DSCAM: variants seen among roughly 807,000 people sequenced by gnomAD.
The protein encoded by DSCAM is DS cell adhesion molecule.
DSCAM carries 47 observed loss-of-function variants against 217.7 expected under a neutral mutation model. That is an observed-to-expected ratio of 0.22 (90% CI 0.17 to 0.28). The LOEUF is 0.28. Ranked by LOEUF, DSCAM falls within the 10% of genes least tolerant of loss-of-function variation. DSCAM has a pLI of 1.00. For synonymous variants in DSCAM, 1,056 were observed against 1,015.3 expected (o/e 1.04, Z -0.76); for missense variants, 2,080 against 2,618.3 (o/e 0.79, Z 4.49).
chr21:40,033,919 C>T (rs1258278916), intron 32 of DSCAM, among the ~76,000 whole-genome samples: 2 of 140,014 alleles, frequency 1.4e-5, no homozygotes, highest in South Asian at 2.4e-4. Flanking sequence ...CAGGGGCAGA[C>T]TGACACCTCA....
intron 3 of DSCAM, among the ~76,000 whole-genome samples, chr21:40,571,643 T>G (rs2076807576): frequency 6.6e-6 from 1 of 152,352 alleles, no homozygotes; most frequent in East Asian, 1.9e-4. Flanking sequence ...AAGGACCTAC[T>G]TATTATATTT....
At chr21:40,641,056 T>C (rs2089871961) in intron 3 of DSCAM, among the ~76,000 whole-genome samples, 1 of 152,218 alleles carries the variant, frequency 6.6e-6, no homozygotes, top group Non-Finnish European at 1.5e-5. Context: ...AAAAAGAAAC[T>C]GTCTTCATGT....
chr21:40,818,771 A>C (rs1353255905), intron 1 of DSCAM, among the ~76,000 whole-genome samples: 5 of 152,058 alleles, frequency 3.3e-5, no homozygotes, highest in African/African-American at 1.2e-4. Flanking sequence ...CATTTTTTGA[A>C]GATGTGATAA....
At chr21:40,844,850 A>G (rs529613175) in intron 1 of DSCAM, among the ~76,000 whole-genome samples, 1 of 152,344 alleles carries the variant, frequency 6.6e-6, no homozygotes, top group Non-Finnish European at 1.5e-5. Flanking sequence ...GACAACCAGC[A>G]CAGCCTCTTT....
intron 1 of DSCAM, among the ~76,000 whole-genome samples, chr21:40,709,067 A>G (rs1158535930): frequency 6.6e-6 from 1 of 152,130 alleles, no homozygotes; most frequent in East Asian, 1.9e-4. Flanking sequence ...CCCCACACTG[A>G]CCACCATTGG....
chr21:40,232,738 T>C (rs994818093), intron 11 of DSCAM, among the ~76,000 whole-genome samples: 2 of 152,158 alleles, frequency 1.3e-5, no homozygotes, highest in Non-Finnish European at 2.9e-5. Context: ...TTATCATATT[T>C]GTAATTCTAA....
chr21:40,171,869 G>C (rs967922358), intron 15 of DSCAM, among the ~76,000 whole-genome samples: 1 of 152,078 alleles, frequency 6.6e-6, no homozygotes, highest in African/African-American at 2.4e-5. Flanking sequence ...GTCCAAAGCC[G>C]ATTGAGTTTC....
intron 1 of DSCAM, among the ~76,000 whole-genome samples, chr21:40,757,949 T>C (rs1025864024): frequency 6.6e-6 from 1 of 152,156 alleles, no homozygotes; most frequent in Non-Finnish European, 1.5e-5. Flanking sequence ...TATTTGGAAA[T>C]AAGAACTTTG....
intron 3 of DSCAM, among the ~76,000 whole-genome samples, chr21:40,449,568 A>G (rs1302815472): frequency 6.6e-6 from 1 of 152,202 alleles, no homozygotes. Context: ...TTCAGGAGTC[A>G]TCTATGATGT....
intron 3 of DSCAM, among the ~76,000 whole-genome samples, chr21:40,438,378 T>C (rs2075602045): frequency 6.6e-6 from 1 of 152,208 alleles, no homozygotes; most frequent in Non-Finnish European, 1.5e-5. Flanking sequence ...TGATATACAG[T>C]AGGCTTTCAA....
rs746154775 is a variant in DSCAM at position 40,159,704 on chromosome 21, T to C, written c.3018+7514A>G. Among the ~76,000 whole-genome samples, 4 of 152,310 alleles carry C rather than the reference T, an allele frequency of 2.6e-5. No homozygotes were observed. In the East Asian group the frequency reaches 5.8e-4, roughly 22 times the overall value. The stretch of plus-strand genomic sequence containing the variant: ...TTCAAGGAATTATTCTGCCTCAACC[T>C]CATGAGTAGCTGCGACTATAGGCAT... On this transcript the variant is annotated intron_variant, in intron 16 of 32. Coordinates refer to ENST00000400454, the MANE Select transcript of DSCAM (RefSeq NM_001389.5).
At chr21:40,487,577 G>T (rs929284523) in intron 3 of DSCAM, among the ~76,000 whole-genome samples, 6 of 152,138 alleles carry the variant, frequency 3.9e-5, no homozygotes, top group Non-Finnish European at 8.8e-5. Context: ...CCAGCAGAGG[G>T]ATACATGAGA....
At chr21:40,743,605 G>T (rs2091146574) in intron 1 of DSCAM, among the ~76,000 whole-genome samples, 1 of 151,974 alleles carries the variant, frequency 6.6e-6, no homozygotes, top group Non-Finnish European at 1.5e-5. Flanking sequence ...ACAATCAAAT[G>T]TATATTTTAA....
At chr21:40,677,477 T>C (rs942913135) in intron 3 of DSCAM, among the ~76,000 whole-genome samples, 1 of 152,212 alleles carries the variant, frequency 6.6e-6, no homozygotes, top group African/African-American at 2.4e-5. Context: ...CAGCTTTCGA[T>C]ACTGGTGTGT....
intron 3 of DSCAM, among the ~76,000 whole-genome samples, chr21:40,540,440 C>A (rs1437506073): frequency 6.6e-6 from 1 of 152,140 alleles, no homozygotes; most frequent in South Asian, 2.1e-4. Context: ...TACGTCCCTC[C>A]ATGCCCCTCC....
chr21:40,134,609 T>C (rs985369882), intron 18 of DSCAM, among the ~76,000 whole-genome samples: 4 of 152,214 alleles, frequency 2.6e-5, no homozygotes, highest in Non-Finnish European at 5.9e-5. Flanking sequence ...CCAGAACTTA[T>C]TCATCTTGCA....
intron 11 of DSCAM, among the ~76,000 whole-genome samples, chr21:40,271,651 C>T (rs566795940): frequency 5.5e-4 from 84 of 152,304 alleles, no homozygotes; most frequent in Non-Finnish European, 1.1e-3. Flanking sequence ...TCTGCCTCCA[C>T]CTTTTGGTTC....
intron 3 of DSCAM, among the ~76,000 whole-genome samples, chr21:40,533,479 G>GTCCA (rs199810460): frequency 1.8e-4 from 26 of 147,432 alleles, no homozygotes; most frequent in Non-Finnish European, 2.8e-4. Flanking sequence ...CCATCCGTCC[G>GTCCA]TCCATCCATC....
chr21:40,013,159 G>T lies in DSCAM; in HGVS notation c.5914C>A (p.Pro1972Thr), dbSNP rs771158910. 23 of 1,613,662 alleles carry T rather than the reference G, an allele frequency of 1.4e-5. No individual in the cohort carries two copies. Among genetic ancestry groups the T allele is most frequent in the East Asian group, 4.5e-5 (2 of 44,856 alleles). Residue 1972 changes from proline to threonine, a missense_variant, in exon 33 of 33, where the codon CCT becomes ACT. Transcript: ENST00000400454. ...SWQPGAVATL[P>T]QREGAELGQA... ...CCCAGCTCTGCTCCCTCCCGCTGAG[G>T]TAATGTGGCCACGGCCCCCGGCTGC... is the stretch of plus-strand genomic sequence containing the variant.
Sources: gnomAD v4.1 joint callset for allele counts (sites outside exome capture counted in the v4.1 genomes callset) on GRCh38, gnomAD v4.1.1 for gene constraint, MANE v1.5 for transcripts, NCBI Gene and HGNC (gene_info 2026-07-23, HGNC 2026-07-21) for gene names.